The following SIPA1L1 variants were observed in gnomAD, a reference collection of about 807,000 sequenced individuals.
SIPA1L1 encodes the protein signal induced proliferation associated 1 like 1.
SIPA1L1 carries 26 observed loss-of-function variants against 162.7 expected under a neutral mutation model. That is an observed-to-expected ratio of 0.16 (90% CI 0.12 to 0.22). The LOEUF is 0.22. Among genes scored for constraint, SIPA1L1 ranks in the 10% least tolerant of loss-of-function variants. The pLI, the probability that SIPA1L1 is intolerant of heterozygous loss-of-function variation, is 1.00. For synonymous variants in SIPA1L1, 829 were observed against 837.4 expected (o/e 0.99, Z 0.17); for missense variants, 1,874 against 2,241.0 (o/e 0.84, Z 3.31).
At position 71,627,131 on chromosome 14, in the gene SIPA1L1, C is replaced by CTTTTTTTTT. The variant is rs71105788; in HGVS notation, c.1818+2930_1818+2938dup. Among the ~76,000 whole-genome samples, 56 of 48,786 alleles carry CTTTTTTTTT rather than the reference C, an allele frequency of 1.1e-3. 5 individuals are homozygous for CTTTTTTTTT. The highest frequency in any genetic ancestry group is 2.8e-3 in the South Asian group (3 of 1,088). The allele number at this position is 48,786 out of a possible 152,430, so 32.0% of individuals were successfully genotyped here. ...TGATGCCTTTCTGGGACTTTCACTA[C>CTTTTTTTTT]TTTTTTTTTTTTTTTTTTTTTTTTT... On this transcript the variant is annotated intron_variant, in intron 7 of 23. Transcript: ENST00000381232.
chr14:71,363,399 C>G (rs940756735), intron 2 of SIPA1L1, among the ~76,000 whole-genome samples: 2 of 151,834 alleles, frequency 1.3e-5, no homozygotes, highest in African/African-American at 4.9e-5. Context: ...ACCCTCCCCT[C>G]CCATCCAGAA....
At chr14:71,573,840 G>A (rs1011726165) in intron 4 of SIPA1L1, 3 of 391,274 alleles carry the variant, frequency 7.7e-6, no homozygotes, top group Middle Eastern at 7.0e-4. Context: ...GTGTTGTTTT[G>A]ATTTGTATGC....
chr14:71,630,026 T>C (rs1306003141), intron 7 of SIPA1L1, among the ~76,000 whole-genome samples: 2 of 152,236 alleles, frequency 1.3e-5, no homozygotes, highest in East Asian at 3.8e-4. Context: ...GCAGCTAGTT[T>C]TGAAAAATGA....
intron 2 of SIPA1L1, among the ~76,000 whole-genome samples, chr14:71,350,933 A>G (rs1378424731): frequency 6.6e-6 from 1 of 152,224 alleles, no homozygotes; most frequent in Non-Finnish European, 1.5e-5. Flanking sequence ...GGATCTGCAC[A>G]AGCTGGAAGA....
chr14:71,616,443 G>A (rs1567319533), intron 5 of SIPA1L1, among the ~76,000 whole-genome samples: 1 of 152,162 alleles, frequency 6.6e-6, no homozygotes, highest in African/African-American at 2.4e-5. Flanking sequence ...GTTCTGACAG[G>A]TCGTAAGGAG....
intron 2 of SIPA1L1, among the ~76,000 whole-genome samples, chr14:71,412,347 A>T (rs146318464): frequency 2.0e-5 from 3 of 152,228 alleles, no homozygotes; most frequent in South Asian, 4.1e-4. Flanking sequence ...AGTGTATTTT[A>T]TGTGTGGCTT....
At chr14:71,678,288 A>T (rs1341923942) in intron 12 of SIPA1L1, among the ~76,000 whole-genome samples, 1 of 152,218 alleles carries the variant, frequency 6.6e-6, no homozygotes, top group Non-Finnish European at 1.5e-5. Context: ...TGTCATAAAT[A>T]GCTCTTATTA....
chr14:71,634,867 C>T (rs539760366), intron 7 of SIPA1L1, among the ~76,000 whole-genome samples: 168 of 151,160 alleles, frequency 1.1e-3, no homozygotes, highest in Non-Finnish European at 1.2e-3. Context: ...ACCTGGGAGG[C>T]GGAGCTTGCA....
At chr14:71,452,185 TC>T (rs2045880214) in intron 2 of SIPA1L1, among the ~76,000 whole-genome samples, 1 of 151,548 alleles carries the variant, frequency 6.6e-6, no homozygotes, top group Non-Finnish European at 1.5e-5. Flanking sequence ...TCATGTTCTC[TC>T]CCATTTCAGT....
chr14:71,359,960 C>T (rs1364992826), intron 2 of SIPA1L1, among the ~76,000 whole-genome samples: 2 of 152,136 alleles, frequency 1.3e-5, no homozygotes, highest in Non-Finnish European at 2.9e-5. Context: ...TTGTTGTCAA[C>T]ATTGTGGCCC....
intron 10 of SIPA1L1, among the ~76,000 whole-genome samples, chr14:71,663,461 C>T (rs1225960675): frequency 1.3e-5 from 2 of 151,970 alleles, no homozygotes; most frequent in African/African-American, 4.8e-5. Flanking sequence ...TTTAAAATAA[C>T]AGAATTAAGT....
intron 2 of SIPA1L1, among the ~76,000 whole-genome samples, chr14:71,390,967 T>C (rs1485642342): frequency 9.2e-5 from 14 of 152,158 alleles, no homozygotes; most frequent in Admixed American, 9.2e-4. Flanking sequence ...AATATATGTA[T>C]CTAATTCTTC....
chr14:71,336,499 G>T (rs916316369), intron 2 of SIPA1L1, among the ~76,000 whole-genome samples: 1 of 152,126 alleles, frequency 6.6e-6, no homozygotes, highest in Non-Finnish European at 1.5e-5. Context: ...CTTTCACCTA[G>T]CTCTGTCAAA....
At chr14:71,590,099 A>G (rs1388455136) in intron 5 of SIPA1L1, among the ~76,000 whole-genome samples, 1 of 148,188 alleles carries the variant, frequency 6.7e-6, no homozygotes, top group East Asian at 1.9e-4. Context: ...ACATATATAC[A>G]CACATATATA....
intron 2 of SIPA1L1, among the ~76,000 whole-genome samples, chr14:71,404,400 T>C (rs2041897679): frequency 6.6e-6 from 1 of 152,062 alleles, no homozygotes; most frequent in African/African-American, 2.4e-5. Context: ...AAAAATTAGC[T>C]GGACTTGATG....
chr14:71,322,435 G>C (rs2033165044), intron 2 of SIPA1L1, among the ~76,000 whole-genome samples: 1 of 151,928 alleles, frequency 6.6e-6, no homozygotes, highest in Non-Finnish European at 1.5e-5. Context: ...TTCGTTTTTT[G>C]AAAGCTGCAA....
chr14:71,464,890 C>T (rs1325941646), intron 2 of SIPA1L1, among the ~76,000 whole-genome samples: 3 of 152,146 alleles, frequency 2.0e-5, no homozygotes, highest in African/African-American at 7.2e-5. Flanking sequence ...CCCGCCGGGA[C>T]TTTAGTTATA....
intron 5 of SIPA1L1, among the ~76,000 whole-genome samples, chr14:71,613,368 CTTT>C (rs78326051): frequency 1.4e-5 from 2 of 140,158 alleles, no homozygotes; most frequent in Non-Finnish European, 1.6e-5. Flanking sequence ...AAGGAAGTAC[CTTT>C]TTTTTTTTTT....
chr14:71,465,915 A>G (rs992223795), intron 2 of SIPA1L1, among the ~76,000 whole-genome samples: 1 of 152,188 alleles, frequency 6.6e-6, no homozygotes, highest in African/African-American at 2.4e-5. Flanking sequence ...AGGCTAGGCC[A>G]GTCTCGCCTT....
Sources: gnomAD v4.1 joint callset for allele counts (sites outside exome capture counted in the v4.1 genomes callset) on GRCh38, gnomAD v4.1.1 for gene constraint, MANE v1.5 for transcripts, NCBI Gene and HGNC (gene_info 2026-07-23, HGNC 2026-07-21) for gene names.